Variants in ERG observed in about 807,000 individuals in gnomAD.
ERG encodes the protein transcriptional regulator ERG.
Under a neutral mutation model 55.3 loss-of-function variants are expected in ERG, and 9 were observed. That is an observed-to-expected ratio of 0.16 (90% CI 0.10 to 0.28). ERG has a LOEUF of 0.28. Among genes scored for constraint, ERG ranks in the 10% least tolerant of loss-of-function variants. ERG has a pLI of 1.00. For synonymous variants in ERG, 223 were observed against 237.3 expected, an observed-to-expected ratio of 0.94 and a Z score of 0.55; for missense variants, 434 against 631.6, an observed-to-expected ratio of 0.69 and a Z score of 3.35.
At chr21:38,600,149 C>A (rs984521852) in intron 1 of ERG, among the ~76,000 whole-genome samples, 1 of 152,176 alleles carries the variant, frequency 6.6e-6, no homozygotes, top group African/African-American at 2.4e-5. Context: ...TCTACAGATA[C>A]AAGGAGATCC....
intron 2 of ERG, among the ~76,000 whole-genome samples, chr21:38,531,650 A>G (rs1054885607): frequency 8.5e-5 from 13 of 152,382 alleles, no homozygotes; most frequent in African/African-American, 2.9e-4. Context: ...GCAAATCTCA[A>G]GAGATTAAAA....
intron 4 of ERG, among the ~76,000 whole-genome samples, 181 bp from the exon 5 acceptor site, chr21:38,402,818 T>C (rs958864551): frequency 6.6e-6 from 1 of 152,096 alleles, no homozygotes; most frequent in Admixed American, 6.5e-5. Context: ...AACCTGCTAC[T>C]TGTTAGCATG....
chr21:38,655,379 C>CT (rs758406469), intron 1 of ERG, among the ~76,000 whole-genome samples: 5 of 152,146 alleles, frequency 3.3e-5, no homozygotes, highest in Non-Finnish European at 5.9e-5. Context: ...GAAATTCCTG[C>CT]TTTGCCTGTG....
At chr21:38,550,122 T>A (rs1323516782) in intron 2 of ERG, among the ~76,000 whole-genome samples, 2 of 152,158 alleles carry the variant, frequency 1.3e-5, no homozygotes, top group African/African-American at 2.4e-5. Flanking sequence ...GGGTGCTTCA[T>A]CCAAGTACAG....
intron 1 of ERG, among the ~76,000 whole-genome samples, chr21:38,636,172 G>A (rs76489315): frequency 6.6e-6 from 1 of 152,206 alleles, no homozygotes; most frequent in African/African-American, 2.4e-5. Flanking sequence ...AGAAGGACAT[G>A]TTTGCTTCCC....
chr21:38,455,362 C>T (rs2058978425), intron 1 of ERG, among the ~76,000 whole-genome samples: 1 of 152,102 alleles, frequency 6.6e-6, no homozygotes, highest in Non-Finnish European at 1.5e-5. Flanking sequence ...GGTTGAAACT[C>T]AGGTGATTCA....
intron 3 of ERG, among the ~76,000 whole-genome samples, chr21:38,411,048 C>T (rs536216322): frequency 3.3e-5 from 5 of 152,248 alleles, no homozygotes; most frequent in East Asian, 1.9e-4. Context: ...CATAAGCCTG[C>T]AAAAATAAGA....
chr21:38,614,894 C>G (rs56303556), intron 1 of ERG, among the ~76,000 whole-genome samples: 12,664 of 152,238 alleles, frequency 0.083, 1,092 homozygotes, highest in African/African-American at 0.23. Context: ...ACAGGCTCTC[C>G]CTCTGGGGGA....
In ERG at chr21:38,380,460, G is replaced by A. The variant is rs992024747; in HGVS notation, c.*2943C>T. ...GGTGATTTTACCACATACAAGGCCC[G>A]AAAGCCAATTGAAGACAAGAAAAGA... On this transcript the variant is annotated 3_prime_UTR_variant, in exon 10 of 10. Coordinates refer to ENST00000288319, the MANE Select transcript of ERG (RefSeq NM_182918.4). The A allele has an allele frequency of 7.5e-6, 8 of 1,064,488 alleles. No individual in the cohort carries two copies. The highest frequency in any genetic ancestry group is 5.0e-5 in the East Asian group (1 of 19,986). The allele number at this position is 1,064,488 out of a possible 1,614,324, so 65.9% of individuals were successfully genotyped here.
chr21:38,661,234 T>G (rs1302263226), intron 1 of ERG, among the ~76,000 whole-genome samples: 2 of 152,138 alleles, frequency 1.3e-5, no homozygotes, highest in Middle Eastern at 3.4e-3. Context: ...CGGGGTCGCT[T>G]TTAGCGAGAA....
chr21:38,565,311 T>G (rs890165954), intron 2 of ERG, among the ~76,000 whole-genome samples: 4 of 152,194 alleles, frequency 2.6e-5, no homozygotes, highest in Admixed American at 6.5e-5. Context: ...ACATGGTTCT[T>G]TTAGAACTTC....
downstream of ERG, among the ~76,000 whole-genome samples, chr21:38,376,686 GC>G (rs1274190891): frequency 6.6e-6 from 1 of 152,274 alleles, no homozygotes; most frequent in Non-Finnish European, 1.5e-5. Context: ...AAGCATCAGA[GC>G]GGATGGAGAC....
At position 38,498,218 on chromosome 21, in the gene ERG, A is replaced by C; in HGVS notation, c.18+145T>G. Reference sequence around the variant, plus strand: ...TGGAGTAGGAAAAAGGAAATTTACTAGGCAGTGCAAAGGAAATCTTGTTGT... The same window carrying C: ...TGGAGTAGGAAAAAGGAAATTTACTCGGCAGTGCAAAGGAAATCTTGTTGT... On this transcript the variant is annotated intron_variant, in intron 1 of 9. Coordinates refer to ENST00000288319, the MANE Select transcript of ERG (RefSeq NM_182918.4). The surrounding 1 kb of genome is among the most constrained non-coding windows in gnomAD (Gnocchi z 4.6). 1 of 713,068 alleles carries C rather than the reference A, an allele frequency of 1.4e-6. No individual in the cohort carries two copies. Among genetic ancestry groups the C allele is most frequent in the East Asian group, 2.7e-5 (1 of 36,546 alleles). 44.2% of individuals were successfully genotyped at this position (713,068 alleles called of 1,614,324 possible).
At chr21:38,566,483 C>T (rs540479133) in intron 2 of ERG, among the ~76,000 whole-genome samples, 1 of 152,262 alleles carries the variant, frequency 6.6e-6, no homozygotes, top group South Asian at 2.1e-4. Context: ...GGGGCTAACC[C>T]TAAGCAAAAT....
chr21:38,580,910 C>A (rs1450079791), intron 1 of ERG, among the ~76,000 whole-genome samples: 1 of 152,188 alleles, frequency 6.6e-6, no homozygotes, highest in African/African-American at 2.4e-5. Context: ...CTCGACCCTA[C>A]CCCTCCTCTC....
At chr21:38,586,904 A>G (rs2060068969), upstream of ERG, among the ~76,000 whole-genome samples, 1 of 152,356 alleles carries the variant, frequency 6.6e-6, no homozygotes, top group East Asian at 1.9e-4. Context: ...GTCCATCAAC[A>G]TAAACGCCCA....
Position 38,654,400 on chromosome 21 carries a change from C to T in ERG, c.-150+7258G>A, listed in dbSNP as rs112866808. Among the ~76,000 whole-genome samples, 642 of 152,282 alleles carry T rather than the reference C, an allele frequency of 4.2e-3. 11 individuals carry two copies. Among genetic ancestry groups the T allele is most frequent in the African/African-American group, 0.014 (568 of 41,568 alleles). ...GGCAGGAGAATCATTTGCACCCAGG[C>T]GGTGGAGGCTGCAGTGAGCCAAGAA... On this transcript the variant is annotated intron_variant, in intron 1 of 10. Transcript: ENST00000398910.
Position 38,591,593 on chromosome 21 carries a change from G to C in ERG, c.-149-6648C>G, listed in dbSNP as rs2060100481. Among the ~76,000 whole-genome samples, 5 of 152,174 alleles carry C rather than the reference G, an allele frequency of 3.3e-5. No individual in the cohort carries two copies. The South Asian group carries it at 1.0e-3, about 31-fold the overall frequency. On this transcript the variant is annotated intron_variant, in intron 1 of 10. Transcript: ENST00000398910. ...TGCAATCCCAGCTACTCAGAAGGCT[G>C]AGGCAAGAGAATCACTTGAATCCAG... is the stretch of plus-strand genomic sequence containing the variant.
At chr21:38,471,973 C>T (rs576514221) in intron 1 of ERG, 1 of 152,336 alleles carries the variant, frequency 6.6e-6, no homozygotes, top group East Asian at 1.9e-4. Context: ...ATCCTCCCTC[C>T]AAAAGCTTCC....
Sources: gnomAD v4.1 joint callset for allele counts (sites outside exome capture counted in the v4.1 genomes callset) on GRCh38, gnomAD v4.1.1 for gene constraint, Gnocchi (gnomAD v3.1) non-coding constraint, MANE v1.5 for transcripts, NCBI Gene and HGNC (gene_info 2026-07-23, HGNC 2026-07-21) for gene names.